Variants in MGMT observed in about 807,000 individuals in gnomAD.
The protein encoded by MGMT is methylated-DNA--protein-cysteine methyltransferase.
Under a neutral mutation model 15.9 loss-of-function variants are expected in MGMT, and 14 were observed. The observed-to-expected ratio is 0.88, with a 90% confidence interval of 0.58 to 1.37. The LOEUF (loss-of-function observed/expected upper bound fraction) is 1.37, where lower values mean the gene tolerates loss of function less well. Among genes scored for constraint, MGMT ranks in the 40% most tolerant of loss-of-function variants. The pLI, the probability that MGMT is intolerant of heterozygous loss-of-function variation, is 0.00. For missense variants in MGMT, 282 were observed against 268.1 expected, an observed-to-expected ratio of 1.05 and a Z score of -0.36; for synonymous variants, 130 against 118.2, an observed-to-expected ratio of 1.10 and a Z score of -0.65.
intron 2 of MGMT, among the ~76,000 whole-genome samples, chr10:129,630,290 C>T (rs528958108): frequency 4.6e-5 from 7 of 152,318 alleles, no homozygotes; most frequent in African/African-American, 1.2e-4. Context: ...TGTAGAAGGT[C>T]GGCTTGTCTG....
chr10:129,680,311 G>C (rs939083597), intron 2 of MGMT, among the ~76,000 whole-genome samples: 1 of 152,132 alleles, frequency 6.6e-6, no homozygotes, highest in Non-Finnish European at 1.5e-5. Context: ...TTTATTTCGC[G>C]GGCATGATTT....
rs758544978 is a variant in MGMT, at chr10:129,536,399, C to T, written c.125+22C>T. The stretch of plus-strand genomic sequence containing the variant: ...CTGAGTAAGTATGAGCCCACGTGAT[C>T]CTGTATACCGCACATGCTGAAGCAA... On this transcript the variant is annotated intron_variant, in intron 2 of 4. Coordinates refer to ENST00000651593, the MANE Select transcript of MGMT (RefSeq NM_002412.5). The T allele has an allele frequency of 9.3e-6, 15 of 1,604,608 alleles. No individual in the cohort carries two copies. In the South Asian group the frequency reaches 1.4e-4, roughly 15 times the overall value.
intron 2 of MGMT, among the ~76,000 whole-genome samples, chr10:129,699,056 A>G (rs778576136): frequency 4.6e-5 from 7 of 152,180 alleles, no homozygotes; most frequent in Non-Finnish European, 1.0e-4. Flanking sequence ...GGACCTGATC[A>G]TTCATCTATA....
chr10:129,484,679 T>G (rs1845390880), intron 1 of MGMT, among the ~76,000 whole-genome samples: 1 of 152,194 alleles, frequency 6.6e-6, no homozygotes, highest in East Asian at 1.9e-4. Flanking sequence ...TCCTAGACAT[T>G]GAGAGTTTTG....
intron 2 of MGMT, among the ~76,000 whole-genome samples, chr10:129,660,700 GC>G (rs1847586023): frequency 6.6e-6 from 1 of 151,980 alleles, no homozygotes; most frequent in Admixed American, 6.6e-5. Context: ...GTTGCGGGGG[GC>G]CAACCCCTCA....
chr10:129,746,631 T>G (rs753945953), intron 3 of MGMT, among the ~76,000 whole-genome samples: 3 of 152,194 alleles, frequency 2.0e-5, no homozygotes, highest in Non-Finnish European at 4.4e-5. Context: ...CGTGCTTCAG[T>G]AGGTCTATTT....
intron 2 of MGMT, among the ~76,000 whole-genome samples, chr10:129,666,159 G>A (rs1301511331): frequency 6.6e-6 from 1 of 152,108 alleles, no homozygotes; most frequent in African/African-American, 2.4e-5. Flanking sequence ...ATATACTGGT[G>A]TTCTCTGTAT....
chr10:129,469,958 C>T (rs1320791982), intron 1 of MGMT, among the ~76,000 whole-genome samples: 3 of 152,126 alleles, frequency 2.0e-5, no homozygotes, highest in African/African-American at 4.8e-5. Flanking sequence ...GTGATCTTCC[C>T]TCCTAGGCCT....
rs184035488 is a variant in MGMT at position 129,579,293 on chromosome 10, C to T, written c.125+42916C>T. ...GCTCACTGGCTTCCTTTCACACAGT[C>T]GCCTGGCACTGCAGCCACACCTGTG... On this transcript the variant is annotated intron_variant, in intron 2 of 4. Coordinates refer to ENST00000651593, the MANE Select transcript of MGMT (RefSeq NM_002412.5). 1.8e-4 allele frequency among the ~76,000 whole-genome samples: 27 copies of T among 152,308 alleles called. No homozygotes were observed. In the East Asian group the frequency reaches 4.2e-3, roughly 24 times the overall value.
chr10:129,572,320 T>C (rs537199407), intron 2 of MGMT, among the ~76,000 whole-genome samples: 1 of 152,382 alleles, frequency 6.6e-6, no homozygotes, highest in Non-Finnish European at 1.5e-5. Context: ...CAACACTTTT[T>C]CTTCAAATCT....
intron 2 of MGMT, among the ~76,000 whole-genome samples, chr10:129,668,095 A>G (rs532422776): frequency 2.6e-5 from 4 of 152,240 alleles, no homozygotes; most frequent in Admixed American, 6.5e-5. Flanking sequence ...TTTTTAGTCA[A>G]TCCCCTCATT....
chr10:129,550,947 G>T (rs1846149973), intron 2 of MGMT, among the ~76,000 whole-genome samples: 1 of 152,194 alleles, frequency 6.6e-6, no homozygotes, highest in Admixed American at 6.5e-5. Flanking sequence ...AACGTTGGTA[G>T]TGCTGTTTCG....
intron 2 of MGMT, among the ~76,000 whole-genome samples, chr10:129,662,266 A>G (rs1403093332): frequency 6.6e-6 from 1 of 152,188 alleles, no homozygotes. Flanking sequence ...AACTATTTCA[A>G]GCTCACAGAC....
intron 2 of MGMT, among the ~76,000 whole-genome samples, chr10:129,618,819 C>A (rs7893831): frequency 0.19 from 13,282 of 69,666 alleles, 786 homozygotes; most frequent in East Asian, 0.57. Flanking sequence ...ATTACAGGAG[C>A]TTTCTGTAAA....
At chr10:129,614,874 A>G (rs543863806) in intron 2 of MGMT, among the ~76,000 whole-genome samples, 2 of 152,242 alleles carry the variant, frequency 1.3e-5, no homozygotes, top group South Asian at 4.2e-4. Context: ...CCATCTTTAA[A>G]ATGTGTGGGT....
intron 3 of MGMT, among the ~76,000 whole-genome samples, chr10:129,714,974 G>A (rs2133148794): frequency 6.6e-6 from 1 of 152,164 alleles, no homozygotes; most frequent in East Asian, 1.9e-4. Context: ...TATCCTGAAT[G>A]TAAGAGGTGG....
chr10:129,625,956 A>G (rs1209109872), intron 2 of MGMT, among the ~76,000 whole-genome samples: 2 of 152,200 alleles, frequency 1.3e-5, no homozygotes, highest in Non-Finnish European at 2.9e-5. Context: ...CTTGATTAGA[A>G]TCTTCCCAGA....
intron 2 of MGMT, among the ~76,000 whole-genome samples, chr10:129,568,332 G>A (rs1472925077): frequency 3.3e-5 from 5 of 152,300 alleles, no homozygotes; most frequent in South Asian, 2.1e-4. Flanking sequence ...GGGGTGCCAC[G>A]GGGACCTGGG....
At chr10:129,603,764 C>G (rs1490143101) in intron 2 of MGMT, among the ~76,000 whole-genome samples, 1 of 152,246 alleles carries the variant, frequency 6.6e-6, no homozygotes, top group Non-Finnish European at 1.5e-5. Context: ...AATACCAGCA[C>G]TTACACTGTG....
Sources: gnomAD v4.1 joint callset for allele counts (sites outside exome capture counted in the v4.1 genomes callset) on GRCh38, gnomAD v4.1.1 for gene constraint, MANE v1.5 for transcripts, NCBI Gene and HGNC (gene_info 2026-07-23, HGNC 2026-07-21) for gene names.